SEMA4B: variants seen among roughly 807,000 people sequenced by gnomAD.
SEMA4B encodes semaphorin 4B, also known as semaphorin-4B.
Under a neutral mutation model 88.1 loss-of-function variants are expected in SEMA4B, and 55 were observed. The observed-to-expected ratio is 0.62, with a 90% CI of 0.50 to 0.78. SEMA4B has a LOEUF of 0.78. Among genes scored for constraint, SEMA4B ranks in the 30% least tolerant of loss-of-function variants. The pLI, the probability that SEMA4B is intolerant of heterozygous loss-of-function variation, is 0.00. For synonymous variants in SEMA4B, 525 were observed against 473.6 expected (o/e 1.11, Z -1.41); for missense variants, 1,062 against 1,111.9 (o/e 0.96, Z 0.64).
rs1292606466 is a variant in SEMA4B at position 90,212,109 on chromosome 15, G to A, written c.158-5330G>A. ...AGGAGGACCCTTACATGGGGCTGAG[G>A]GCTGAGTATTCCCACATCACTTCCT... On this transcript the variant is annotated intron_variant, in intron 1 of 13. Transcript: ENST00000411539. This position sits in a 1 kb window ranked among gnomAD's most constrained non-coding sequence, Gnocchi z 4.0. Among the ~76,000 whole-genome samples, 4 of 151,904 alleles carry A rather than the reference G, an allele frequency of 2.6e-5. No individual in the cohort carries two copies. The highest frequency in any genetic ancestry group is 4.2e-4 in the South Asian group (2 of 4,814).
chr15:90,216,075 G>A (rs1334247843), intron 1 of SEMA4B, among the ~76,000 whole-genome samples: 1 of 150,818 alleles, frequency 6.6e-6, no homozygotes, highest in Non-Finnish European at 1.5e-5. Flanking sequence ...CGCAACCTCT[G>A]CATCCCAGGT....
In SEMA4B at chr15:90,225,306, T is replaced by C. The variant is rs1259254746; in HGVS notation, c.1430T>C (p.Val477Ala). 1 of 1,559,036 alleles carries C rather than the reference T, an allele frequency of 6.4e-7. No individual in the cohort carries two copies. The highest frequency in any genetic ancestry group is 2.4e-5 in the East Asian group (1 of 41,576). Residue 477 changes from valine (V) to alanine (A), a missense_variant, in exon 11 of 14, where the codon GTG (valine) becomes GCG (alanine). By Grantham distance (64) the Val-to-Ala change is moderately conservative. Coordinates refer to ENST00000411539, the MANE Select transcript of SEMA4B (RefSeq NM_198925.4). ...GTGDGRLHKA[V>A]SVGPRVHIIE... Reference sequence around the variant, plus strand: ...GGTGACGGCCGGCTCCACAAGGCAGTGAGCGTGGGCCCCCGGGTGCACATC... The same window carrying C: ...GGTGACGGCCGGCTCCACAAGGCAGCGAGCGTGGGCCCCCGGGTGCACATC...
chr15:90,195,142 T>C lies in SEMA4B; in HGVS notation c.-121-6316T>C, dbSNP rs145610620. Among the ~76,000 whole-genome samples, 792 of 152,144 alleles carry C rather than the reference T, an allele frequency of 5.2e-3. 13 individuals carry two copies. The highest frequency in any genetic ancestry group is 0.018 in the African/African-American group (761 of 41,506). On this transcript the variant is annotated intron_variant, in intron 1 of 14. Transcript: ENST00000332496. ...TTAGACAGGGTCTCATTCTGTCTCT[T>C]AGGCTGGAGTGCAACAGCATGGCTC...
chr15:90,223,825 A>G lies in SEMA4B; in HGVS notation c.1044-13A>G, dbSNP rs141753131. ...CCAGGGCTCCTGGGTTAATCTGGTT[A>G]TTTCCTCTGCAGGCACAGGGGAACT... On this transcript the variant is annotated splice_polypyrimidine_tract_variant and intron_variant, in intron 8 of 13. Coordinates refer to ENST00000411539, the MANE Select transcript of SEMA4B (RefSeq NM_198925.4). The G allele has an allele frequency of 5.8e-5, 93 of 1,613,450 alleles. No individual in the cohort carries two copies. The Middle Eastern group carries it at 1.8e-3, about 31-fold the overall frequency.
rs10520690 is a variant in SEMA4B, at chr15:90,195,574, G to C, written c.-121-5884G>C. Among the ~76,000 whole-genome samples, 792 of 152,178 alleles carry C rather than the reference G, an allele frequency of 5.2e-3. 13 individuals are homozygous for C. The highest frequency in any genetic ancestry group is 0.018 in the African/African-American group (761 of 41,506). On this transcript the variant is annotated intron_variant, in intron 1 of 14. Transcript: ENST00000332496. The stretch of plus-strand genomic sequence containing the variant: ...GATCTGGGTTACAACACACCTTTGA[G>C]AAGAATGCTGCAAACATTGATGATG...
At position 90,228,037 on chromosome 15, in the gene SEMA4B, C is replaced by T. The variant is rs374692249; in HGVS notation, c.1908C>T (p.His636=). 4.8e-5 allele frequency: 77 copies of T among 1,613,900 alleles called. No homozygotes were observed. In the South Asian group the frequency reaches 6.1e-4, roughly 13 times the overall value. ...CCGTCAATGCCTCGGCCTCCTGCCA[C>T]GTGCTACCCACTGGGGACCTGCTGC... ...GAPVNASASC[H]VLPTGDLLLV... The change falls in exon 14 of 14, where the codon CAC becomes CAT. Residue 636 remains histidine, a synonymous_variant. Coordinates refer to ENST00000411539, the MANE Select transcript of SEMA4B (RefSeq NM_198925.4).
chr15:90,194,347 A>G (rs112565854), intron 1 of SEMA4B, among the ~76,000 whole-genome samples: 8,464 of 151,978 alleles, frequency 0.056, 707 homozygotes, highest in African/African-American at 0.19. Context: ...GCCGTGACCA[A>G]CATGGTGAAA....
In SEMA4B at chr15:90,229,316, A is replaced by G. The variant is rs181560200; in HGVS notation, c.*673A>G. On this transcript the variant is annotated 3_prime_UTR_variant, in exon 14 of 14. Transcript: ENST00000411539. The stretch of plus-strand genomic sequence containing the variant: ...CTGTATCAGGCTGTGGCCACACGAG[A>G]GGACAGCGCGAGCTCAGGAGAGATT... 2.2e-6 allele frequency: 1 copy of G among 456,858 alleles called. No homozygotes were observed. The highest frequency in any genetic ancestry group is 2.3e-5 in the Admixed American group (1 of 42,570). The allele number at this position is 456,858 out of a possible 1,614,324, so 28.3% of individuals were successfully genotyped here.
Position 90,229,205 on chromosome 15 carries a change from C to T in SEMA4B, c.*562C>T, listed in dbSNP as rs1374859317. 1 of 417,586 alleles carries T rather than the reference C, an allele frequency of 2.4e-6. No individual in the cohort carries two copies. Among genetic ancestry groups the T allele is most frequent in the East Asian group, 7.3e-5 (1 of 13,668 alleles). 25.9% of individuals were successfully genotyped at this position (417,586 alleles called of 1,614,324 possible). On this transcript the variant is annotated 3_prime_UTR_variant, in exon 14 of 14. Coordinates refer to ENST00000411539, the MANE Select transcript of SEMA4B (RefSeq NM_198925.4). Reference sequence around the variant, plus strand: ...GATGTAGTTGTTGCTGCCGTCGTCCCACCACCTCAGGGACCAGAGGGCTAG... The same window carrying T: ...GATGTAGTTGTTGCTGCCGTCGTCCTACCACCTCAGGGACCAGAGGGCTAG...
chr15:90,187,459 C>G (rs1350409918), intron 1 of SEMA4B, among the ~76,000 whole-genome samples: 1 of 152,164 alleles, frequency 6.6e-6, no homozygotes, highest in Non-Finnish European at 1.5e-5. Flanking sequence ...TTAGGCAGGC[C>G]TTGTCCCTGC....
chr15:90,224,767 A>G (rs1962051051), intron 9 of SEMA4B, among the ~76,000 whole-genome samples: 1 of 152,128 alleles, frequency 6.6e-6, no homozygotes, highest in Non-Finnish European at 1.5e-5. Context: ...GAAGCCCTCC[A>G]AGCACTCGGT....
chr15:90,196,757 G>T (rs1960522686), upstream of SEMA4B, among the ~76,000 whole-genome samples: 1 of 152,210 alleles, frequency 6.6e-6, no homozygotes, highest in Admixed American at 6.5e-5. Flanking sequence ...AAAGTGCTGG[G>T]ATTACAGGCG....
At chr15:90,201,327 G>C (rs1030608785), upstream of SEMA4B, 1 of 1,189,112 alleles carries the variant, frequency 8.4e-7, no homozygotes, top group South Asian at 4.0e-5. Context: ...CCCGCCCTCC[G>C]CCGCTTGCGG....
chr15:90,197,268 T>TA (rs1484519887), upstream of SEMA4B, among the ~76,000 whole-genome samples: 1 of 152,000 alleles, frequency 6.6e-6, no homozygotes, highest in Non-Finnish European at 1.5e-5. Flanking sequence ...TGCATGCCTG[T>TA]AGTCCCAGCT....
chr15:90,223,791 C>G (rs1206178337), intron 8 of SEMA4B, 47 bp from the exon 9 acceptor site: 2 of 1,606,880 alleles, frequency 1.2e-6, no homozygotes, highest in South Asian at 2.2e-5. Flanking sequence ...GTGGCTGGGA[C>G]TGGGGCCCCC....
At chr15:90,210,725 T>C (rs936921964) in intron 1 of SEMA4B, among the ~76,000 whole-genome samples, 1 of 138,076 alleles carries the variant, frequency 7.2e-6, no homozygotes. Flanking sequence ...GGGGCACAGG[T>C]ACCTAGAGGA....
intron 1 of SEMA4B, chr15:90,207,066 A>C (rs1961027884): frequency 2.4e-5 from 8 of 328,976 alleles, no homozygotes; most frequent in South Asian, 2.3e-4. Flanking sequence ...TGGGCACTGA[A>C]TACTGGAACA....
intron 1 of SEMA4B, among the ~76,000 whole-genome samples, chr15:90,210,039 T>C (rs549465714): frequency 2.4e-4 from 37 of 152,322 alleles, no homozygotes; most frequent in Admixed American, 2.4e-3. Flanking sequence ...GCTGCTGTGA[T>C]GGTGGCCTAG....
At chr15:90,223,467 CT>C in intron 7 of SEMA4B, 91 bp from the exon 8 acceptor site, 1 of 1,187,752 alleles carries the variant, frequency 8.4e-7, no homozygotes, top group Non-Finnish European at 1.1e-6. Context: ...GTCCTGGTGT[CT>C]GGGGTGGGTC....
Sources: gnomAD v4.1 joint callset for allele counts (sites outside exome capture counted in the v4.1 genomes callset) on GRCh38, gnomAD v4.1.1 for gene constraint, Gnocchi (gnomAD v3.1) non-coding constraint, MANE v1.5 for transcripts, NCBI Gene and HGNC (gene_info 2026-07-23, HGNC 2026-07-21) for gene names.